Variants in LRP1B observed in about 807,000 individuals in gnomAD.
LRP1B encodes the protein low-density lipoprotein receptor-related protein 1B.
Under a neutral mutation model 556.6 loss-of-function variants are expected in LRP1B, and 217 were observed. That is an observed-to-expected ratio of 0.39 (90% CI 0.35 to 0.44). The LOEUF (loss-of-function observed/expected upper bound fraction) is 0.44, where lower values mean the gene tolerates loss of function less well. Ranked by LOEUF, LRP1B falls within the 20% of genes least tolerant of loss-of-function variation. The pLI is 1.00. For synonymous variants in LRP1B, 2,047 were observed against 1,865.8 expected (o/e 1.10, Z -2.50); for missense variants, 5,053 against 5,620.8 (o/e 0.90, Z 3.23).
At position 141,121,755 on chromosome 2, in the gene LRP1B, A is replaced by C. The variant is rs1278685280; in HGVS notation, c.1014-59482T>G. Among the ~76,000 whole-genome samples, 3 of 149,970 alleles carry C rather than the reference A, an allele frequency of 2.0e-5. No homozygotes were observed. The South Asian group carries it at 6.3e-4, about 32-fold the overall frequency. On this transcript the variant is annotated intron_variant, in intron 7 of 90. Transcript: ENST00000389484. ...ACAGAATTGGGAAAAAAACTACTTT[A>C]AAGTTCATATGGAACCAAAAAAGAG... is the stretch of plus-strand genomic sequence containing the variant.
At chr2:140,498,641 T>G in intron 55 of LRP1B, among the ~76,000 whole-genome samples, 1 of 151,844 alleles carries the variant, frequency 6.6e-6, no homozygotes, top group East Asian at 1.9e-4. Flanking sequence ...GGCTGCTGGA[T>G]AGTTTTCACC....
chr2:141,529,044 T>A (rs1373733334), intron 2 of LRP1B, among the ~76,000 whole-genome samples: 1 of 152,194 alleles, frequency 6.6e-6, no homozygotes, highest in Non-Finnish European at 1.5e-5. Flanking sequence ...TCAGCCTGCA[T>A]GATGATTATT....
chr2:141,028,734 A>G (rs1209298145), intron 11 of LRP1B, among the ~76,000 whole-genome samples: 1 of 152,122 alleles, frequency 6.6e-6, no homozygotes, highest in Admixed American at 6.6e-5. Context: ...TAAAGTAATG[A>G]CAACTAAATT....
At chr2:140,505,500 G>A (rs1689371341) in intron 53 of LRP1B, among the ~76,000 whole-genome samples, 1 of 152,110 alleles carries the variant, frequency 6.6e-6, no homozygotes, top group African/African-American at 2.4e-5. Flanking sequence ...ATATGTTATT[G>A]TACTATATTG....
At chr2:141,890,674 C>T (rs2104913176) in intron 1 of LRP1B, among the ~76,000 whole-genome samples, 1 of 151,964 alleles carries the variant, frequency 6.6e-6, no homozygotes, top group Non-Finnish European at 1.5e-5. Flanking sequence ...ATACAGTTTG[C>T]TAATGCTAAA....
At position 140,750,239 on chromosome 2, in the gene LRP1B, T is replaced by G. The variant is rs115943806; in HGVS notation, c.5758+18974A>C. ...AGTGAATAAGAATCAATGTTTCCAG[T>G]GGTCATCAGAAGTCTAGCAGACTAT... On this transcript the variant is annotated intron_variant, in intron 35 of 90. Coordinates refer to ENST00000389484, the MANE Select transcript of LRP1B (RefSeq NM_018557.3). Among the ~76,000 whole-genome samples, 742 of 152,216 alleles carry G rather than the reference T, an allele frequency of 4.9e-3. 5 individuals are homozygous for G. Among genetic ancestry groups the G allele is most frequent in the African/African-American group, 0.017 (711 of 41,534 alleles).
intron 2 of LRP1B, among the ~76,000 whole-genome samples, chr2:141,498,195 C>T (rs545970948): frequency 4.8e-4 from 73 of 151,984 alleles, no homozygotes; most frequent in African/African-American, 1.8e-3. Context: ...CTGAAAAGGA[C>T]TAGTGGAGTA....
chr2:141,861,303 G>A (rs1422050170), intron 1 of LRP1B, among the ~76,000 whole-genome samples: 2 of 152,106 alleles, frequency 1.3e-5, no homozygotes, highest in African/African-American at 4.8e-5. Context: ...ATAGGACTCT[G>A]TCTGGAAATC....
chr2:141,719,255 C>T (rs1229536267), intron 2 of LRP1B, among the ~76,000 whole-genome samples: 1 of 152,016 alleles, frequency 6.6e-6, no homozygotes, highest in Non-Finnish European at 1.5e-5. Flanking sequence ...CAATGCAATC[C>T]CATCTATTTA....
intron 35 of LRP1B, among the ~76,000 whole-genome samples, chr2:140,727,442 C>G (rs376958846): frequency 6.6e-6 from 1 of 152,098 alleles, no homozygotes; most frequent in East Asian, 1.9e-4. Context: ...CTGGTTGAAA[C>G]CTCTGGAGGA....
chr2:141,821,256 A>G (rs532395706), intron 1 of LRP1B, among the ~76,000 whole-genome samples: 2 of 152,344 alleles, frequency 1.3e-5, no homozygotes, highest in East Asian at 3.9e-4. Flanking sequence ...TTGTTACGAT[A>G]GCAAAGAGAG....
At chr2:140,770,289 T>C (rs1221400355) in intron 34 of LRP1B, among the ~76,000 whole-genome samples, 5 of 151,922 alleles carry the variant, frequency 3.3e-5, no homozygotes, top group Non-Finnish European at 5.9e-5. Flanking sequence ...TATATAGATA[T>C]ATAGATATTT....
At chr2:141,874,664 G>T (rs757903739) in intron 1 of LRP1B, among the ~76,000 whole-genome samples, 38 of 151,856 alleles carry the variant, frequency 2.5e-4, no homozygotes, top group Admixed American at 1.3e-3. Context: ...CATCTCAAAA[G>T]TACTATATAA....
chr2:140,688,757 A>G (rs1295119112), intron 41 of LRP1B, among the ~76,000 whole-genome samples: 1 of 152,218 alleles, frequency 6.6e-6, no homozygotes, highest in Non-Finnish European at 1.5e-5. Context: ...TCTCATGTGG[A>G]ACCCTGAGAC....
At chr2:140,741,309 G>C (rs966384194) in intron 35 of LRP1B, among the ~76,000 whole-genome samples, 6 of 151,986 alleles carry the variant, frequency 3.9e-5, no homozygotes, top group African/African-American at 1.5e-4. Flanking sequence ...GCCAGGCAAA[G>C]GGAAACACAT....
At chr2:140,376,210 A>C (rs1016905952) in intron 68 of LRP1B, among the ~76,000 whole-genome samples, 3 of 152,176 alleles carry the variant, frequency 2.0e-5, no homozygotes, top group Non-Finnish European at 4.4e-5. Flanking sequence ...TCAAATCACT[A>C]TGTCCACCAA....
chr2:140,779,753 AGAGTGTGTGT>A (rs1322996846), intron 32 of LRP1B, among the ~76,000 whole-genome samples: 13 of 133,958 alleles, frequency 9.7e-5, no homozygotes, highest in African/African-American at 1.1e-4. Flanking sequence ...TCTCTGTGAG[AGAGTGTGTGT>A]GTGTGTGTGT....
At chr2:141,011,152 G>A (rs1310944232) in intron 14 of LRP1B, among the ~76,000 whole-genome samples, 1 of 148,902 alleles carries the variant, frequency 6.7e-6, no homozygotes, top group Non-Finnish European at 1.5e-5. Flanking sequence ...AAGGAGATAT[G>A]TACTACTTAG....
intron 35 of LRP1B, among the ~76,000 whole-genome samples, chr2:140,759,234 T>C (rs1688839362): frequency 6.6e-6 from 1 of 152,122 alleles, no homozygotes; most frequent in Non-Finnish European, 1.5e-5. Context: ...AGAAGTTGAA[T>C]AGTCAAAAAG....
Sources: gnomAD v4.1 joint callset for allele counts (sites outside exome capture counted in the v4.1 genomes callset) on GRCh38, gnomAD v4.1.1 for gene constraint, MANE v1.5 for transcripts, NCBI Gene and HGNC (gene_info 2026-07-23, HGNC 2026-07-21) for gene names.